The following UNC5C variants were observed in gnomAD, a reference collection of about 807,000 sequenced individuals.
The protein encoded by UNC5C is unc-5 netrin receptor C.
UNC5C carries 47 observed loss-of-function variants against 99.8 expected under a neutral mutation model. The observed-to-expected ratio is 0.47, with a 90% confidence interval of 0.37 to 0.60. UNC5C has a LOEUF of 0.60. Among genes scored for constraint, UNC5C ranks in the 20% least tolerant of loss-of-function variants. UNC5C has a pLI of 0.00. For synonymous variants in UNC5C, 487 were observed against 452.2 expected (o/e 1.08, Z -0.98); for missense variants, 1,062 against 1,165.9 (o/e 0.91, Z 1.30).
At chr4:95,296,407 G>A (rs1467494396) in intron 3 of UNC5C, among the ~76,000 whole-genome samples, 2 of 152,130 alleles carry the variant, frequency 1.3e-5, no homozygotes, top group Admixed American at 6.6e-5. Context: ...AGATTGAAAA[G>A]CCATGAAGTA....
intron 1 of UNC5C, among the ~76,000 whole-genome samples, chr4:95,445,757 A>G (rs1244939154): frequency 6.6e-6 from 1 of 152,206 alleles, no homozygotes; most frequent in East Asian, 1.9e-4. Context: ...AATGTGAGAG[A>G]AATGTAGATC....
intron 1 of UNC5C, among the ~76,000 whole-genome samples, chr4:95,385,529 G>A (rs1466930639): frequency 6.6e-6 from 1 of 152,164 alleles, no homozygotes; most frequent in African/African-American, 2.4e-5. Flanking sequence ...AGTGTCCACT[G>A]CTATCAAGTA....
At chr4:95,523,567 GGA>G (rs1008795081) in intron 1 of UNC5C, among the ~76,000 whole-genome samples, 2 of 151,752 alleles carry the variant, frequency 1.3e-5, no homozygotes, top group African/African-American at 4.8e-5. Context: ...TACTAGAGAG[GGA>G]GAGAGAGAAA....
At chr4:95,478,939 C>T (rs1448104569) in intron 1 of UNC5C, among the ~76,000 whole-genome samples, 1 of 151,888 alleles carries the variant, frequency 6.6e-6, no homozygotes, top group Non-Finnish European at 1.5e-5. Flanking sequence ...CTGGCACCTT[C>T]CTGCTTTCTC....
At chr4:95,296,956 G>T (rs753223552) in intron 3 of UNC5C, among the ~76,000 whole-genome samples, 1 of 152,142 alleles carries the variant, frequency 6.6e-6, no homozygotes, top group Admixed American at 6.6e-5. Flanking sequence ...AAGTGTTGAC[G>T]GTGAAAGTCT....
chr4:95,223,335 C>G (rs1738547775), intron 7 of UNC5C, among the ~76,000 whole-genome samples: 1 of 152,136 alleles, frequency 6.6e-6, no homozygotes, highest in Non-Finnish European at 1.5e-5. Flanking sequence ...TGAATTAAAC[C>G]TTCCTAGTAA....
At chr4:95,248,175 T>C (rs540730091) in intron 5 of UNC5C, 8 of 232,152 alleles carry the variant, frequency 3.4e-5, no homozygotes, top group Non-Finnish European at 6.0e-5. Flanking sequence ...TGAATGGTAC[T>C]GTGGGGTAGG....
chr4:95,529,379 T>C (rs949106884), intron 1 of UNC5C, among the ~76,000 whole-genome samples: 3 of 148,388 alleles, frequency 2.0e-5, no homozygotes, highest in Non-Finnish European at 4.5e-5. Context: ...ATAAAAAATA[T>C]ATATATACAA....
chr4:95,347,772 AGAATT>A (rs1743832342), intron 1 of UNC5C, among the ~76,000 whole-genome samples: 1 of 152,136 alleles, frequency 6.6e-6, no homozygotes, highest in Admixed American at 6.6e-5. Flanking sequence ...AATGGAGTAA[AGAATT>A]GAATCTAAGA....
chr4:95,472,713 C>T (rs1560846329), intron 1 of UNC5C, among the ~76,000 whole-genome samples: 1 of 151,994 alleles, frequency 6.6e-6, no homozygotes, highest in Non-Finnish European at 1.5e-5. Flanking sequence ...CAGACACCAG[C>T]CAGGCATGCC....
chr4:95,170,885 T>C (rs987960172), intron 14 of UNC5C, among the ~76,000 whole-genome samples: 4 of 152,210 alleles, frequency 2.6e-5, no homozygotes, highest in Admixed American at 6.5e-5. Flanking sequence ...CTAAATGATA[T>C]CAACTTAAGG....
At chr4:95,367,067 T>C (rs1010635861) in intron 1 of UNC5C, among the ~76,000 whole-genome samples, 3 of 152,048 alleles carry the variant, frequency 2.0e-5, no homozygotes, top group Non-Finnish European at 4.4e-5. Context: ...TAGGGCAGAG[T>C]TTATTAATCC....
intron 1 of UNC5C, among the ~76,000 whole-genome samples, chr4:95,520,445 T>C (rs1336883495): frequency 6.6e-6 from 1 of 152,170 alleles, no homozygotes; most frequent in African/African-American, 2.4e-5. Flanking sequence ...TGATGGAAGT[T>C]TGTATCTGAA....
At chr4:95,218,222 A>G (rs1013661535) in intron 9 of UNC5C, among the ~76,000 whole-genome samples, 1 of 152,174 alleles carries the variant, frequency 6.6e-6, no homozygotes, top group South Asian at 2.1e-4. Flanking sequence ...GAAGCCATTA[A>G]CCCTTTTATG....
At chr4:95,170,841 G>T (rs1052736326) in intron 14 of UNC5C, among the ~76,000 whole-genome samples, 2 of 152,218 alleles carry the variant, frequency 1.3e-5, no homozygotes, top group Admixed American at 6.5e-5. Flanking sequence ...TCTCAGTTCT[G>T]CTTTTGTTGA....
chr4:95,437,879 C>A (rs561747774), intron 1 of UNC5C, among the ~76,000 whole-genome samples: 1 of 152,176 alleles, frequency 6.6e-6, no homozygotes, highest in Admixed American at 6.5e-5. Context: ...GGATCTTTAT[C>A]AGAGCCCAGG....
chr4:95,541,293 C>T (rs13149656), intron 1 of UNC5C, among the ~76,000 whole-genome samples: 50,169 of 151,950 alleles, frequency 0.33, 9,274 homozygotes, highest in Middle Eastern at 0.43. Flanking sequence ...TGAATCACTC[C>T]TTCATCCAAT....
chr4:95,328,833 A>G (rs1477337124), intron 2 of UNC5C, among the ~76,000 whole-genome samples: 7 of 152,208 alleles, frequency 4.6e-5, no homozygotes, highest in Non-Finnish European at 1.0e-4. Flanking sequence ...CAACCAAAAA[A>G]GAAAATTTTA....
intron 7 of UNC5C, among the ~76,000 whole-genome samples, chr4:95,229,115 C>T (rs1314024002): frequency 2.0e-5 from 3 of 152,160 alleles, no homozygotes; most frequent in South Asian, 4.1e-4. Context: ...GAGCTCTACA[C>T]ATCAGAAGAA....
Sources: gnomAD v4.1 joint callset for allele counts (sites outside exome capture counted in the v4.1 genomes callset) on GRCh38, gnomAD v4.1.1 for gene constraint, MANE v1.5 for transcripts, NCBI Gene and HGNC (gene_info 2026-07-23, HGNC 2026-07-21) for gene names.